The following LYSET variants were observed in gnomAD, a reference collection of about 807,000 sequenced individuals.
LYSET encodes the protein lysosomal enzyme trafficking factor.
the LYSET span, among the ~76,000 whole-genome samples, chr14:93,187,700 TGGCTCACTGGAACCTTC>T: frequency 6.6e-6 from 1 of 152,146 alleles, no homozygotes; most frequent in East Asian, 1.9e-4. Flanking sequence ...GGTGCAGTCT[TGGCTCACTGGAACCTTC>T]GGCTCACTGC....
the LYSET span, chr14:93,186,468 TC>T: frequency 6.2e-7 from 1 of 1,614,238 alleles, no homozygotes; most frequent in Non-Finnish European, 8.5e-7. Flanking sequence ...TCAATTACTC[TC>T]CTTGCCTTTT....
At chr14:93,185,486 G>C in the LYSET span, 1 of 1,611,140 alleles carries the variant, frequency 6.2e-7, no homozygotes, top group Non-Finnish European at 8.5e-7. Context: ...CGGGACCATT[G>C]TAAGTGCTTA....
At chr14:93,186,031 G>T in the LYSET span, among the ~76,000 whole-genome samples, 1 of 151,806 alleles carries the variant, frequency 6.6e-6, no homozygotes, top group Admixed American at 6.6e-5. Context: ...ACCACGCCCG[G>T]CTATTTTTTT....
At chr14:93,186,427 A>G in the LYSET span, 3 of 1,614,186 alleles carry the variant, frequency 1.9e-6, no homozygotes, top group Non-Finnish European at 2.5e-6. Context: ...GAGCCCCTTG[A>G]AGGAACCACA....
At chr14:93,188,405 TCTC>T in the LYSET span, among the ~76,000 whole-genome samples, 1,808 of 152,316 alleles carry the variant, frequency 0.012, 47 homozygotes, top group Admixed American at 0.027. Context: ...TCCTGTACCT[TCTC>T]CTTTGCATTT....
chr14:93,186,555 C>G, the LYSET span: 1 of 1,614,200 alleles, frequency 6.2e-7, no homozygotes, highest in Admixed American at 1.7e-5. Flanking sequence ...AAGAGCTGAT[C>G]CCAAAACAGT....
At chr14:93,186,960 A>G in the LYSET span, 8 of 385,144 alleles carry the variant, frequency 2.1e-5, no homozygotes, top group South Asian at 7.1e-5. Context: ...TCATATTTCT[A>G]TTCTACTGTG....
At chr14:93,186,527 G>C in the LYSET span, 8 of 1,614,050 alleles carry the variant, frequency 5.0e-6, no homozygotes, top group Admixed American at 1.2e-4. Flanking sequence ...AGATGTTTTT[G>C]TTCCTATACT....
At chr14:93,185,925 G>C in the LYSET span, among the ~76,000 whole-genome samples, 1 of 149,770 alleles carries the variant, frequency 6.7e-6, no homozygotes. Context: ...CTGGAGTGCA[G>C]TGGCGTGATC....
At chr14:93,187,434 A>T in the LYSET span, among the ~76,000 whole-genome samples, 1 of 151,898 alleles carries the variant, frequency 6.6e-6, no homozygotes, top group Non-Finnish European at 1.5e-5. Flanking sequence ...ATTTTTAATT[A>T]AAAAAATTTT....
chr14:93,186,592 T>C, the LYSET span: 1 of 1,614,214 alleles, frequency 6.2e-7, no homozygotes, highest in Non-Finnish European at 8.5e-7. Flanking sequence ...CCTATATGCT[T>C]GGCAGTTATT....
At chr14:93,186,449 C>T in the LYSET span, 1 of 1,614,214 alleles carries the variant, frequency 6.2e-7, no homozygotes. Flanking sequence ...GGACACACTC[C>T]TTGAAAGCTC....
the LYSET span, chr14:93,186,226 A>T: frequency 6.3e-7 from 1 of 1,578,240 alleles, no homozygotes; most frequent in Non-Finnish European, 8.6e-7. Flanking sequence ...CAGCATTACT[A>T]GACCCTAATT....
At chr14:93,185,653 T>TGTTTA in the LYSET span, among the ~76,000 whole-genome samples, 6 of 152,170 alleles carry the variant, frequency 3.9e-5, no homozygotes, top group South Asian at 6.2e-4. Context: ...ATTATGGACC[T>TGTTTA]GTTTAAGTAG....
the LYSET span, chr14:93,185,412 A>C: frequency 6.2e-6 from 10 of 1,612,458 alleles, no homozygotes; most frequent in East Asian, 1.8e-4. Flanking sequence ...TGAAATGCCA[A>C]AGCCACCCGA....
At chr14:93,186,923 T>C in the LYSET span, 1 of 450,084 alleles carries the variant, frequency 2.2e-6, no homozygotes, top group Non-Finnish European at 4.0e-6. Flanking sequence ...ATTTGCATTC[T>C]TTAGAAACTT....
the LYSET span, chr14:93,186,844 A>T: frequency 1.6e-6 from 1 of 630,890 alleles, no homozygotes; most frequent in African/African-American, 1.9e-5. Context: ...TTTTTAGGTA[A>T]AACCTGAGAT....
chr14:93,187,513 G>C, the LYSET span, among the ~76,000 whole-genome samples: 2 of 152,052 alleles, frequency 1.3e-5, no homozygotes, highest in Non-Finnish European at 2.9e-5. Flanking sequence ...TACTGATTTA[G>C]AAAACTATCT....
At chr14:93,186,373 C>T in the LYSET span, 1 of 1,614,214 alleles carries the variant, frequency 6.2e-7, no homozygotes, top group East Asian at 2.2e-5. Flanking sequence ...ATCAGTGAGA[C>T]TTACAACAGG....
Sources: allele counts gnomAD v4.1 joint callset (sites outside exome capture counted in the v4.1 genomes callset), GRCh38; gene constraint gnomAD v4.1.1; transcripts MANE v1.5; gene names NCBI Gene and HGNC (gene_info 2026-07-23, HGNC 2026-07-21).